The following DYNC2I1 variants were observed in gnomAD, a reference collection of about 807,000 sequenced individuals.
DYNC2I1 encodes the protein dynein 2 intermediate chain 1.
In DYNC2I1, 89 loss-of-function variants were observed where a neutral mutation model predicts 133.4. The ratio of observed to expected loss-of-function variants is 0.67; its 90% CI spans 0.56 to 0.80. The LOEUF (loss-of-function observed/expected upper bound fraction) is 0.80. Among genes scored for constraint, DYNC2I1 ranks in the 30% least tolerant of loss-of-function variants. DYNC2I1 has a pLI of 0.00. For missense variants in DYNC2I1, 1,291 were observed against 1,314.5 expected, an observed-to-expected ratio of 0.98 and a Z score of 0.28; for synonymous variants, 504 against 484.3, an observed-to-expected ratio of 1.04 and a Z score of -0.54.
chr7:158,875,229 G>A (rs1363978433), intron 3 of DYNC2I1, among the ~76,000 whole-genome samples: 1 of 151,766 alleles, frequency 6.6e-6, no homozygotes, highest in African/African-American at 2.4e-5. Context: ...TGAGTACCTG[G>A]GATTACAGGC....
At chr7:158,840,402 A>G in the DYNC2I1 span, among the ~76,000 whole-genome samples, 81 of 152,246 alleles carry the variant, frequency 5.3e-4, no homozygotes, top group African/African-American at 1.9e-3. Flanking sequence ...CCCTGTCTCT[A>G]GGAAAAATAC....
upstream of DYNC2I1, among the ~76,000 whole-genome samples, chr7:158,852,478 C>T (rs1031900832): frequency 2.6e-4 from 40 of 151,824 alleles, no homozygotes; most frequent in East Asian, 1.2e-3. Flanking sequence ...TGGTGGCTCA[C>T]GCCTGTAATC....
chr7:158,840,019 C>T, the DYNC2I1 span, among the ~76,000 whole-genome samples: 10 of 152,230 alleles, frequency 6.6e-5, no homozygotes, highest in African/African-American at 1.4e-4. Flanking sequence ...CTTACTGTGT[C>T]GTCCAGGCTG....
intron 20 of DYNC2I1, among the ~76,000 whole-genome samples, chr7:158,930,148 C>T (rs983342494): frequency 1.3e-5 from 2 of 151,116 alleles, no homozygotes; most frequent in Non-Finnish European, 2.9e-5. Flanking sequence ...TATGTACACT[C>T]GTACACATGT....
chr7:158,853,073 T>C (rs1181010393), upstream of DYNC2I1, among the ~76,000 whole-genome samples: 1 of 152,180 alleles, frequency 6.6e-6, no homozygotes, highest in Admixed American at 6.5e-5. Context: ...CTCTTGGCCA[T>C]AGGGTGTCCC....
intron 3 of DYNC2I1, among the ~76,000 whole-genome samples, chr7:158,871,957 T>C (rs964876195): frequency 6.6e-6 from 1 of 152,248 alleles, no homozygotes; most frequent in Non-Finnish European, 1.5e-5. Flanking sequence ...TAGAGGTTCC[T>C]GTTCTCTCTG....
chr7:158,894,630 G>A (rs1471507564), intron 8 of DYNC2I1, among the ~76,000 whole-genome samples: 1 of 152,234 alleles, frequency 6.6e-6, no homozygotes, highest in South Asian at 2.1e-4. Context: ...GTTTTGGCAA[G>A]TATGAATAAA....
chr7:158,920,057 C>T (rs1453771992), intron 15 of DYNC2I1, among the ~76,000 whole-genome samples: 11 of 148,142 alleles, frequency 7.4e-5, no homozygotes, highest in African/African-American at 2.0e-4. Flanking sequence ...ACGGGGAACA[C>T]GTGAAGTGTG....
downstream of DYNC2I1, among the ~76,000 whole-genome samples, chr7:158,948,583 G>A (rs982146855): frequency 2.4e-5 from 2 of 84,676 alleles, no homozygotes. Flanking sequence ...GGTGCTCAGT[G>A]AAGGTGGCGC....
intron 7 of DYNC2I1, among the ~76,000 whole-genome samples, chr7:158,889,036 T>TACACACACACACACAC (rs71200077): frequency 3.5e-5 from 5 of 141,300 alleles, no homozygotes; most frequent in South Asian, 4.4e-4. Context: ...TTTAAACATT[T>TACACACACACACACAC]ACACACACAC....
At chr7:158,937,602 A>G (rs1850885774) in intron 23 of DYNC2I1, among the ~76,000 whole-genome samples, 1 of 124,064 alleles carries the variant, frequency 8.1e-6, no homozygotes, top group Non-Finnish European at 1.7e-5. Flanking sequence ...AGCCTGGGTG[A>G]CAGGGTGAGA....
intron 21 of DYNC2I1, 109 bp from the exon 22 acceptor site, chr7:158,934,020 A>G (rs1850491998): frequency 2.2e-5 from 16 of 738,546 alleles, no homozygotes; most frequent in Middle Eastern, 3.7e-4. Context: ...GGAATGTGAC[A>G]TGGCCTGTTA....
intron 2 of DYNC2I1, 25 bp from the exon 3 acceptor site, chr7:158,871,114 CGGA>C: frequency 6.3e-7 from 1 of 1,588,896 alleles, no homozygotes; most frequent in Non-Finnish European, 8.6e-7. Context: ...TTCCTGGTCA[CGGA>C]GGACCCTTTG....
intron 5 of DYNC2I1, among the ~76,000 whole-genome samples, chr7:158,881,784 A>G (rs568362313): frequency 6.6e-6 from 1 of 152,162 alleles, no homozygotes; most frequent in Non-Finnish European, 1.5e-5. Flanking sequence ...CTTTCCCTAG[A>G]TCAAAACTTC....
At chr7:158,857,741 T>C (rs1413173069) in intron 1 of DYNC2I1, among the ~76,000 whole-genome samples, 1 of 151,484 alleles carries the variant, frequency 6.6e-6, no homozygotes, top group East Asian at 1.9e-4. Context: ...TTTCACCGTG[T>C]TGGCCAGGAT....
chr7:158,949,369 C>T (rs73514561), downstream of DYNC2I1, among the ~76,000 whole-genome samples: 1 of 152,260 alleles, frequency 6.6e-6, no homozygotes, highest in Non-Finnish European at 1.5e-5. Flanking sequence ...CTGAGCTGAT[C>T]TGTCCTGGAA....
At chr7:158,870,463 C>T (rs988201342) in intron 2 of DYNC2I1, among the ~76,000 whole-genome samples, 5 of 152,072 alleles carry the variant, frequency 3.3e-5, no homozygotes, top group Non-Finnish European at 5.9e-5. Flanking sequence ...GAGCTGTCCT[C>T]CCACCTCAGT....
Position 158,930,439 on chromosome 7 carries a change from G to A in DYNC2I1, c.2486-16G>A. The stretch of plus-strand genomic sequence containing the variant: ...TCTATTGAAAGGTGCATTGATTTTG[G>A]TTCATCTCTTTTTAGGTCTGATGCC... On this transcript the variant is annotated splice_polypyrimidine_tract_variant and intron_variant, in intron 20 of 24. Transcript: ENST00000407559. 6.2e-7 allele frequency: 1 copy of A among 1,608,750 alleles called. No individual in the cohort carries two copies. Among genetic ancestry groups the A allele is most frequent in the Non-Finnish European group, 8.5e-7 (1 of 1,177,472 alleles).
chr7:158,911,652 A>C lies in DYNC2I1; in HGVS notation c.1563A>C (p.Arg521Ser), dbSNP rs778963817. ...PPVNEYDMYIRNFGKKNTKQA... is the reference protein window; with the variant it reads ...PPVNEYDMYISNFGKKNTKQA... Reference sequence around the variant, plus strand: ...TAAATGAATATGACATGTATATCAGAAACTTTGGGAAAAAAAATACCAAGC... The same window carrying C: ...TAAATGAATATGACATGTATATCAGCAACTTTGGGAAAAAAAATACCAAGC... Residue 521 changes from arginine to serine, a missense_variant, in exon 12 of 25, where the codon AGA (arginine) becomes AGC (serine). Arg to Ser is a moderately radical substitution (Grantham distance 110). Coordinates refer to ENST00000407559, the MANE Select transcript of DYNC2I1 (RefSeq NM_018051.5). 6.8e-6 allele frequency: 11 copies of C among 1,610,058 alleles called. No homozygotes were observed. The South Asian group carries it at 1.2e-4, about 18-fold the overall frequency.
Sources: allele counts gnomAD v4.1 joint callset (sites outside exome capture counted in the v4.1 genomes callset), GRCh38; gene constraint gnomAD v4.1.1; transcripts MANE v1.5; gene names NCBI Gene and HGNC (gene_info 2026-07-23, HGNC 2026-07-21).